DNAH17: variants seen among roughly 807,000 people sequenced by gnomAD.
DNAH17 encodes dynein axonemal heavy chain 17, also known as axonemal beta dynein heavy chain 17.
Under a neutral mutation model 485.6 loss-of-function variants are expected in DNAH17, and 376 were observed. The ratio of observed to expected loss-of-function variants is 0.77; its 90% confidence interval spans 0.71 to 0.84. The LOEUF (loss-of-function observed/expected upper bound fraction) is 0.84. Among genes scored for constraint, DNAH17 ranks in the 40% least tolerant of loss-of-function variants. The pLI is 0.00. For missense variants in DNAH17, 6,370 were observed against 5,839.3 expected (o/e 1.09, Z -2.96); for synonymous variants, 3,031 against 2,405.9 (o/e 1.26, Z -7.60).
Position 78,486,610 on chromosome 17 carries a change from G to A in DNAH17, c.6819-104C>T, listed in dbSNP as rs77078529. 3,894 of 1,390,584 alleles carry A rather than the reference G, an allele frequency of 2.8e-3. 67 individuals carry two copies. The African/African-American group carries it at 0.042, about 15-fold the overall frequency. 86.1% of individuals were successfully genotyped at this position (1,390,584 alleles called of 1,614,324 possible). A position where few individuals can be genotyped will look rare whatever the true frequency, so the allele number is the denominator to read the frequency against. On this transcript the variant is annotated intron_variant, in intron 44 of 80. Transcript: ENST00000389840. ...CCTACCTCCACCCAATTCTGCTGGG[G>A]CTGCCCTCAGGGTCACCATGCCTGC...
chr17:78,424,227 T>C (rs765193534), intron 80 of DNAH17, 74 bp from the exon 81 acceptor site: 1 of 1,519,218 alleles, frequency 6.6e-7, no homozygotes, highest in Non-Finnish European at 8.8e-7. Flanking sequence ...AAGGGTGGGG[T>C]CCTCACACTC....
intron 25 of DNAH17, among the ~76,000 whole-genome samples, chr17:78,523,864 G>A (rs117710477): frequency 0.061 from 9,244 of 152,270 alleles, 386 homozygotes; most frequent in South Asian, 0.13. Context: ...AGCTGAGATC[G>A]TGCCACTGCA....
At chr17:78,499,174 A>G in intron 36 of DNAH17, 62 bp from the exon 37 acceptor site, 1 of 1,215,252 alleles carries the variant, frequency 8.2e-7, no homozygotes. Flanking sequence ...CGGGCGCTGC[A>G]GGGGCCTCCC....
At chr17:78,570,884 A>AAAAAAAAAAAAAT in intron 6 of DNAH17, 64 bp downstream of exon 6, 1 of 698,210 alleles carries the variant, frequency 1.4e-6, no homozygotes, top group Non-Finnish European at 2.1e-6. Context: ...AAAAAGAAAA[A>AAAAAAAAAAAAAT]AGAAAAGAAA....
chr17:78,514,768 T>C lies in DNAH17; in HGVS notation c.4113+6A>G. 6.2e-7 allele frequency: 1 copy of C among 1,613,240 alleles called. No homozygotes were observed. The highest frequency in any genetic ancestry group is 1.1e-5 in the South Asian group (1 of 91,062). On this transcript the variant is annotated splice_donor_region_variant and intron_variant, in intron 26 of 80. Coordinates refer to ENST00000389840, the MANE Select transcript of DNAH17 (RefSeq NM_173628.4). ...GGTCCCCTCCGCCCACCATGGTGCA[T>C]GGTACCTGGGTGGCCTGCATGAGCT...
At chr17:78,491,732 C>G (rs1457397508) in intron 42 of DNAH17, among the ~76,000 whole-genome samples, 162 bp from the exon 43 acceptor site, 4 of 152,180 alleles carry the variant, frequency 2.6e-5, no homozygotes, top group Non-Finnish European at 5.9e-5. Context: ...CCCTGCCCTC[C>G]GTTCTCTGTG....
chr17:78,507,404 A>G (rs763677766), intron 28 of DNAH17, 35 bp from the exon 29 acceptor site: 2 of 1,613,798 alleles, frequency 1.2e-6, no homozygotes, highest in Non-Finnish European at 1.7e-6. Flanking sequence ...GGCATTAGGG[A>G]TCGCCACACA....
At position 78,502,563 on chromosome 17, in the gene DNAH17, C is replaced by G. The variant is rs200864487; in HGVS notation, c.5190+28G>C. 6.3e-6 allele frequency: 10 copies of G among 1,590,638 alleles called. No individual in the cohort carries two copies. In the East Asian group the frequency reaches 6.8e-5, roughly 11 times the overall value. ...CTGCTTTTTAAACAAGTTTTAAAAACGTAACTAACTACACACTAGTAACAC... is the reference window on the plus strand; with the variant it reads ...CTGCTTTTTAAACAAGTTTTAAAAAGGTAACTAACTACACACTAGTAACAC... On this transcript the variant is annotated intron_variant, in intron 33 of 80. Transcript: ENST00000389840.
In DNAH17 at chr17:78,428,662, A is replaced by C; in HGVS notation, c.12451T>G (p.Tyr4151Asp). 1 of 1,613,940 alleles carries C rather than the reference A, an allele frequency of 6.2e-7. No individual in the cohort carries two copies. Among genetic ancestry groups the C allele is most frequent in the Non-Finnish European group, 8.5e-7 (1 of 1,179,886 alleles). The change falls in exon 77 of 81, where the codon TAT (tyrosine) becomes GAT (aspartate). Residue 4151 changes from tyrosine to aspartate, a missense_variant. Physicochemically the swap from Tyr to Asp is radical, Grantham distance 160. Transcript: ENST00000389840. ...GCGTTGGGGTGCAGGCCATACAGATAGGGACTCTCAGGGGGCAGGTTCTCA... is the reference window on the plus strand; with the variant it reads ...GCGTTGGGGTGCAGGCCATACAGATCGGGACTCTCAGGGGGCAGGTTCTCA... ...IDENLPPESP[Y>D]LYGLHPNAEI...
In DNAH17 at chr17:78,468,739, T is replaced by A; in HGVS notation, c.8656A>T (p.Met2886Leu). 6.2e-7 allele frequency: 1 copy of A among 1,614,024 alleles called. No individual in the cohort carries two copies. The highest frequency in any genetic ancestry group is 8.5e-7 in the Non-Finnish European group (1 of 1,179,898). Residue 2886 changes from methionine to leucine, a missense_variant, in exon 55 of 81, where the codon ATG (methionine) becomes TTG (leucine). Met to Leu is a conservative substitution (Grantham distance 15, BLOSUM62 2). Coordinates refer to ENST00000389840, the MANE Select transcript of DNAH17 (RefSeq NM_173628.4). ...LASGEIPGLF[M>L]EDEVENIISS... Reference sequence around the variant, plus strand: ...ATGATGTTCTCCACCTCGTCCTCCATAAACAGCCCAGGGATCTCTCCTGAG... The same window carrying A: ...ATGATGTTCTCCACCTCGTCCTCCAAAAACAGCCCAGGGATCTCTCCTGAG...
intron 20 of DNAH17, among the ~76,000 whole-genome samples, chr17:78,531,869 T>A (rs1053203804): frequency 1.3e-5 from 2 of 152,258 alleles, no homozygotes; most frequent in African/African-American, 4.8e-5. Flanking sequence ...CTGACAGGTG[T>A]GATTTTCTGT....
rs691151 is a variant in DNAH17, at chr17:78,486,350, A to T, written c.6975T>A (p.Ile2325=). 1 of 1,613,654 alleles carries T rather than the reference A, an allele frequency of 6.2e-7. No homozygotes were observed. Among genetic ancestry groups the T allele is most frequent in the Middle Eastern group, 1.6e-4 (1 of 6,062 alleles). Residue 2325 remains isoleucine (I), a synonymous_variant, in exon 45 of 81, where the codon ATT becomes ATA. Transcript: ENST00000389840. ...TGAGCAGGCACTCCAGCAGGTACAGAATCGTTTGGATCACCGTGATCTCCG... is the reference window on the plus strand; with the variant it reads ...TGAGCAGGCACTCCAGCAGGTACAGTATCGTTTGGATCACCGTGATCTCCG... ...PVPEITVIQT[I]LYLLECLLTE...
rs1392109921 is a variant in DNAH17, at chr17:78,507,607, G to A, written c.4435C>T (p.Leu1479=). Residue 1479 remains leucine, a synonymous_variant, in exon 28 of 81, where the codon CTG becomes TTG. Coordinates refer to ENST00000389840, the MANE Select transcript of DNAH17 (RefSeq NM_173628.4). ...LKEVTSWQQK[L]STADSVISIW... ...GAGATGACGGAGTCCGCCGTGGACA[G>A]CTTCTGCTGCCAGCTTGTCACCTCC... is the stretch of plus-strand genomic sequence containing the variant. The A allele has an allele frequency of 2.5e-6, 4 of 1,614,162 alleles. No homozygotes were observed. The Admixed American group carries it at 6.7e-5, about 27-fold the overall frequency.
chr17:78,552,814 C>T lies in DNAH17; in HGVS notation c.2179-9G>A, dbSNP rs1334061144. ...TTCACTATAGTCTTTATCTGAAAAA[C>T]AGAGGTGACAGGTTTTGTTCCGAGT... On this transcript the variant is annotated splice_polypyrimidine_tract_variant and intron_variant, in intron 14 of 80. Transcript: ENST00000389840. 1 of 1,587,540 alleles carries T rather than the reference C, an allele frequency of 6.3e-7. No homozygotes were observed. The highest frequency in any genetic ancestry group is 1.3e-5 in the African/African-American group (1 of 74,388).
chr17:78,549,034 G>C (rs984247721), intron 16 of DNAH17, among the ~76,000 whole-genome samples: 2 of 152,242 alleles, frequency 1.3e-5, no homozygotes, highest in African/African-American at 4.8e-5. Flanking sequence ...TCTGTGACCA[G>C]TTTAGTGATT....
intron 16 of DNAH17, 34 bp downstream of exon 16, chr17:78,551,501 C>A: frequency 1.2e-6 from 2 of 1,605,626 alleles, no homozygotes; most frequent in Non-Finnish European, 1.7e-6. Context: ...CAGGCCCCCA[C>A]AAAGCCCCAC....
chr17:78,527,050 T>C (rs2091097794), intron 22 of DNAH17, 54 bp from the exon 23 acceptor site: 5 of 1,420,492 alleles, frequency 3.5e-6, no homozygotes, highest in Non-Finnish European at 4.8e-6. Context: ...TTCTTAAACC[T>C]TCTATTGTGA....
chr17:78,475,315 A>T lies in DNAH17; in HGVS notation c.8474T>A (p.Ile2825Asn). 1 of 1,613,988 alleles carries T rather than the reference A, an allele frequency of 6.2e-7. No homozygotes were observed. The highest frequency in any genetic ancestry group is 1.1e-5 in the South Asian group (1 of 91,086). ...GATCCCGTAGCCCTTCTTGAGGGTG[A>T]TCTGAAACACGTCAAGCCCGCTGAT... ...AYISGLDVFQ[I>N]TLKKGYGIPD... The change falls in exon 54 of 81, where the codon ATC becomes AAC. Residue 2825 changes from isoleucine to asparagine, a missense_variant. Physicochemically the swap from Ile to Asn is moderately radical, Grantham distance 149 (BLOSUM62 -3). Transcript: ENST00000389840.
intron 17 of DNAH17, 103 bp downstream of exon 17, chr17:78,543,754 T>C: frequency 3.9e-6 from 6 of 1,536,132 alleles, no homozygotes; most frequent in Middle Eastern, 1.7e-4. Flanking sequence ...CTACAAGAAA[T>C]GTGTCACTAA....
Sources: allele counts gnomAD v4.1 joint callset (sites outside exome capture counted in the v4.1 genomes callset), GRCh38; gene constraint gnomAD v4.1.1; transcripts MANE v1.5; gene names NCBI Gene and HGNC (gene_info 2026-07-23, HGNC 2026-07-21).